CD300LD: variants seen among roughly 807,000 people sequenced by gnomAD.
CD300LD encodes the protein CD300 molecule like family member d, also known as CMRF35-like molecule 5.
Under a neutral mutation model 20.3 loss-of-function variants are expected in CD300LD, and 18 were observed. The observed-to-expected ratio is 0.89, with a 90% CI of 0.61 to 1.32. CD300LD has a LOEUF of 1.32. CD300LD is among the 40% of genes most tolerant of loss of function. The probability of loss-of-function intolerance (pLI) is 0.00; values close to 1 mark genes in which losing one functional copy is unlikely to be tolerated. For missense variants in CD300LD, 195 were observed against 226.6 expected (o/e 0.86, Z 0.90); for synonymous variants, 104 against 90.1 (o/e 1.15, Z -0.87).
chr17:74,579,720 C>T lies in CD300LD; in HGVS notation c.*282G>A, dbSNP rs1598125615. ...GCAACGTGGTGGAAGCCCATCTCTA[C>T]AAAAAAATTTAAAAATTAGCTGGGG... On this transcript the variant is annotated 3_prime_UTR_variant, in exon 4 of 4. Transcript: ENST00000375352. 1 of 219,644 alleles carries T rather than the reference C, an allele frequency of 4.6e-6. No individual in the cohort carries two copies. The highest frequency in any genetic ancestry group is 1.1e-4 in the East Asian group (1 of 8,784). The allele number at this position is 219,644 out of a possible 1,614,324, so 13.6% of individuals were successfully genotyped here.
chr17:74,588,472 GGACCTGAGA>G (rs1309743686), intron 2 of CD300LD, 30 bp downstream of exon 2: 3 of 1,371,964 alleles, frequency 2.2e-6, no homozygotes, highest in Non-Finnish European at 2.0e-6. Flanking sequence ...GGACAGAGCA[GGACCTGAGA>G]GACACACACG....
chr17:74,587,359 A>G (rs756651866), intron 2 of CD300LD, among the ~76,000 whole-genome samples: 20 of 152,346 alleles, frequency 1.3e-4, no homozygotes, highest in Non-Finnish European at 2.1e-4. Context: ...ATATATTGGC[A>G]TAAAAGTTGT....
rs1009477678 is a variant in CD300LD, at chr17:74,588,568, C to T, written c.322G>A (p.Gly108Arg). Residue 108 changes from glycine to arginine, a missense_variant, in exon 2 of 4, where the codon GGG becomes AGG. Transcript: ENST00000375352. The part of the protein sequence containing the change: ...KRDDADSYWC[G>R]TERPGIDLGV... ...AGATCAATTCCAGGTCTCTCAGTCC[C>T]ACACCAATAACTGTCAGCATCATCT... 3.7e-6 allele frequency: 6 copies of T among 1,614,018 alleles called. No homozygotes were observed. Among genetic ancestry groups the T allele is most frequent in the Non-Finnish European group, 5.1e-6 (6 of 1,180,000 alleles).
intron 2 of CD300LD, 52 bp downstream of exon 2, chr17:74,588,459 C>G (rs1377996822): frequency 1.6e-6 from 2 of 1,243,236 alleles, no homozygotes. Flanking sequence ...ACCTCAGGGA[C>G]CAGGACAGAG....
chr17:74,583,749 CTTTTTTTT>C (rs34787485), intron 2 of CD300LD, among the ~76,000 whole-genome samples: 1 of 98,032 alleles, frequency 1.0e-5, no homozygotes, highest in Non-Finnish European at 2.0e-5. Context: ...GAGTATTTCA[CTTTTTTTT>C]TTTTTTTTTT....
At chr17:74,589,516 T>A (rs2030256138) in intron 1 of CD300LD, among the ~76,000 whole-genome samples, 2 of 152,216 alleles carry the variant, frequency 1.3e-5, no homozygotes, top group South Asian at 4.1e-4. Flanking sequence ...TTATAAGTTC[T>A]TCTCTAAACA....
At chr17:74,589,143 C>T (rs2030246539) in intron 1 of CD300LD, among the ~76,000 whole-genome samples, 1 of 152,194 alleles carries the variant, frequency 6.6e-6, no homozygotes, top group Non-Finnish European at 1.5e-5. Flanking sequence ...TCTTTATATT[C>T]CAAGGAATGC....
At chr17:74,591,274 T>A (rs959037502) in intron 1 of CD300LD, among the ~76,000 whole-genome samples, 2 of 146,458 alleles carry the variant, frequency 1.4e-5, no homozygotes, top group African/African-American at 5.0e-5. Flanking sequence ...ATAAAAATAA[T>A]AATAATAATA....
chr17:74,586,414 C>T (rs748875446), intron 2 of CD300LD, among the ~76,000 whole-genome samples: 12 of 152,100 alleles, frequency 7.9e-5, no homozygotes, highest in Non-Finnish European at 1.2e-4. Context: ...GCCCCCCACC[C>T]CAGAAAAAAT....
chr17:74,587,257 A>G (rs1381041763), intron 2 of CD300LD, among the ~76,000 whole-genome samples: 1 of 148,952 alleles, frequency 6.7e-6, no homozygotes, highest in Non-Finnish European at 1.5e-5. Context: ...ATTTCATTAA[A>G]AGATATAGAG....
At chr17:74,581,431 C>T (rs1355498316) in intron 3 of CD300LD, among the ~76,000 whole-genome samples, 11 of 152,252 alleles carry the variant, frequency 7.2e-5, no homozygotes, top group Non-Finnish European at 1.0e-4. Context: ...CACAGCAGGC[C>T]GTGATGGAAC....
chr17:74,582,367 C>T, intron 2 of CD300LD, 56 bp from the exon 3 acceptor site: 1 of 1,478,790 alleles, frequency 6.8e-7, no homozygotes, highest in Non-Finnish European at 9.4e-7. Flanking sequence ...CCAGCTCTGG[C>T]TGTGGCCCTA....
At chr17:74,590,029 G>A (rs1207787938) in intron 1 of CD300LD, among the ~76,000 whole-genome samples, 1 of 152,194 alleles carries the variant, frequency 6.6e-6, no homozygotes, top group Non-Finnish European at 1.5e-5. Context: ...GTTTGTCTGT[G>A]TCCTCACCCA....
In CD300LD at chr17:74,580,101, C is replaced by G; in HGVS notation, c.486G>C (p.Lys162Asn). 2.5e-6 allele frequency: 4 copies of G among 1,610,812 alleles called. No homozygotes were observed. The highest frequency in any genetic ancestry group is 3.4e-6 in the Non-Finnish European group (4 of 1,178,270). ...TSSPLTRSPL[K>N]STHFLFLFLL... ...GGAACAGGAACAGGAAGTGGGTGCTCTTGAGCGGGGACCTGTGGGAACACG... is the reference window on the plus strand; with the variant it reads ...GGAACAGGAACAGGAAGTGGGTGCTGTTGAGCGGGGACCTGTGGGAACACG... The change falls in exon 4 of 4, where the codon AAG (lysine) becomes AAC (asparagine). Residue 162 changes from lysine (K) to asparagine (N), a missense_variant. By Grantham distance (94) the Lys-to-Asn change is moderately conservative. Coordinates refer to ENST00000375352, the MANE Select transcript of CD300LD (RefSeq NM_001115152.2).
At chr17:74,591,915 C>A in intron 1 of CD300LD, 1 of 1,002,306 alleles carries the variant, frequency 1.0e-6, no homozygotes, top group Non-Finnish European at 1.4e-6. Context: ...ATGGAACAGT[C>A]AGGGTTGAGA....
At chr17:74,580,255 G>T in intron 3 of CD300LD, 142 bp from the exon 4 acceptor site, 1 of 611,458 alleles carries the variant, frequency 1.6e-6, no homozygotes, top group Non-Finnish European at 3.0e-6. Flanking sequence ...CCTTTGGTGG[G>T]GCACAGTCAC....
chr17:74,580,833 A>C (rs560673253), intron 3 of CD300LD, among the ~76,000 whole-genome samples: 33 of 151,866 alleles, frequency 2.2e-4, no homozygotes, highest in Non-Finnish European at 4.6e-4. Flanking sequence ...TGGGAGGCCA[A>C]GGCAGGTGGA....
intron 1 of CD300LD, chr17:74,590,880 G>A (rs1054432092): frequency 6.6e-6 from 1 of 152,062 alleles, no homozygotes; most frequent in African/African-American, 2.4e-5. Flanking sequence ...GAGCTTGAGA[G>A]CAGCCCTGGC....
intron 2 of CD300LD, chr17:74,584,623 AC>A (rs1249012161): frequency 6.6e-6 from 1 of 152,032 alleles, no homozygotes; most frequent in Non-Finnish European, 1.5e-5. Context: ...ACCAACCATT[AC>A]CTCTCCCTCC....
Sources: allele counts gnomAD v4.1 joint callset (sites outside exome capture counted in the v4.1 genomes callset), GRCh38; gene constraint gnomAD v4.1.1; transcripts MANE v1.5; gene names NCBI Gene and HGNC (gene_info 2026-07-23, HGNC 2026-07-21).